Variants in LARGE1 observed in about 807,000 individuals in gnomAD.
LARGE1 encodes xylosyl- and glucuronyltransferase LARGE1.
LARGE1 carries 43 observed loss-of-function variants against 87.6 expected under a neutral mutation model. That is an observed-to-expected ratio of 0.49 (90% CI 0.38 to 0.63). The LOEUF (loss-of-function observed/expected upper bound fraction) is 0.63. LARGE1 is among the 30% of genes least tolerant of loss of function. LARGE1 has a pLI of 0.00. For synonymous variants in LARGE1, 434 were observed against 394.6 expected, an observed-to-expected ratio of 1.10 and a Z score of -1.18; for missense variants, 802 against 1,000.2, an observed-to-expected ratio of 0.80 and a Z score of 2.67.
chr22:33,722,864 T>C (rs1453205632), intron 2 of LARGE1, among the ~76,000 whole-genome samples: 1 of 151,994 alleles, frequency 6.6e-6, no homozygotes, highest in East Asian at 1.9e-4. Flanking sequence ...GCAGCATGGG[T>C]AGGCTGCTGA....
chr22:33,562,684 G>T (rs956229453), intron 6 of LARGE1, among the ~76,000 whole-genome samples: 1 of 152,266 alleles, frequency 6.6e-6, no homozygotes, highest in Non-Finnish European at 1.5e-5. Flanking sequence ...TGATATCAGC[G>T]TATTTAAAAT....
At chr22:33,890,220 C>T (rs769576051) in intron 1 of LARGE1, among the ~76,000 whole-genome samples, 10 of 152,212 alleles carry the variant, frequency 6.6e-5, no homozygotes, top group Non-Finnish European at 1.5e-5. Flanking sequence ...CCCTACCCAG[C>T]CCTGTAGCCC....
chr22:33,711,277 A>T (rs1322763004), intron 2 of LARGE1, among the ~76,000 whole-genome samples: 1 of 152,206 alleles, frequency 6.6e-6, no homozygotes, highest in Non-Finnish European at 1.5e-5. Flanking sequence ...GGGGGTCTGC[A>T]GCAGGATAGG....
chr22:33,843,728 C>T (rs2063348430), intron 1 of LARGE1, among the ~76,000 whole-genome samples: 1 of 152,008 alleles, frequency 6.6e-6, no homozygotes, highest in African/African-American at 2.4e-5. Context: ...AGTTTAAAGG[C>T]CACTGGTCCA....
At position 33,316,115 on chromosome 22, in the gene LARGE1, A is replaced by G. The variant is rs1356698761; in HGVS notation, c.1421T>C (p.Val474Ala). 3.7e-6 allele frequency: 6 copies of G among 1,614,040 alleles called. No individual in the cohort carries two copies. The highest frequency in any genetic ancestry group is 5.1e-6 in the Non-Finnish European group (6 of 1,179,958). Residue 474 changes from valine (V) to alanine (A), a missense_variant, in exon 11 of 15, where the codon GTC (valine) becomes GCC (alanine). By Grantham distance (64) the Val-to-Ala change is moderately conservative (BLOSUM62 0). This residue lies in a region of LARGE1 where 625 missense variants were observed against 841.9 expected (regional missense o/e 0.74). Coordinates refer to ENST00000397394, the MANE Select transcript of LARGE1 (RefSeq NM_133642.5). ...EYEPAADSTD[V>A]TLVAQLSMDR... ...CATGGACAGCTGAGCGACCAGGGTGACGTCCGTGCTGTCTGCTGCAGGCTC... is the reference window on the plus strand; with the variant it reads ...CATGGACAGCTGAGCGACCAGGGTGGCGTCCGTGCTGTCTGCTGCAGGCTC...
intron 2 of LARGE1, among the ~76,000 whole-genome samples, chr22:33,734,583 T>C (rs1051101019): frequency 6.6e-6 from 1 of 152,156 alleles, no homozygotes; most frequent in Non-Finnish European, 1.5e-5. Context: ...GGGAGGGCTT[T>C]TTGCTTTCTC....
intron 1 of LARGE1, among the ~76,000 whole-genome samples, chr22:33,846,677 CAT>C (rs1485047072): frequency 1.3e-5 from 2 of 152,198 alleles, no homozygotes; most frequent in African/African-American, 4.8e-5. Flanking sequence ...AAAGAGAATA[CAT>C]GCCTGGGGGT....
At chr22:33,753,685 C>A (rs571702538) in intron 2 of LARGE1, among the ~76,000 whole-genome samples, 40 of 152,222 alleles carry the variant, frequency 2.6e-4, no homozygotes, top group Admixed American at 5.2e-4. Flanking sequence ...GGAGATGCAG[C>A]CAATGGATGC....
chr22:33,115,815 C>CAAA, the LARGE1 span, among the ~76,000 whole-genome samples: 261 of 97,324 alleles, frequency 2.7e-3, 4 homozygotes, highest in African/African-American at 8.2e-3. Context: ...GACTCTGTCT[C>CAAA]AAAAAAAAAA....
chr22:33,918,156 A>T (rs2267321), intron 1 of LARGE1, among the ~76,000 whole-genome samples: 53,202 of 152,060 alleles, frequency 0.35, 9,603 homozygotes, highest in East Asian at 0.54. Context: ...GATGAAAAAA[A>T]CCTTTCATTT....
At chr22:33,499,930 T>C (rs1480174524) in intron 6 of LARGE1, among the ~76,000 whole-genome samples, 2 of 152,072 alleles carry the variant, frequency 1.3e-5, no homozygotes, top group African/African-American at 4.8e-5. Flanking sequence ...CGGGACACCA[T>C]GTTTGGCTAC....
chr22:33,456,403 C>G (rs2068132510), intron 6 of LARGE1, among the ~76,000 whole-genome samples: 2 of 152,140 alleles, frequency 1.3e-5, no homozygotes, highest in Admixed American at 1.3e-4. Context: ...TTCTTGGAGA[C>G]AGGCCAATTT....
At chr22:33,883,244 A>T (rs903540270) in intron 1 of LARGE1, among the ~76,000 whole-genome samples, 1 of 152,158 alleles carries the variant, frequency 6.6e-6, no homozygotes, top group African/African-American at 2.4e-5. Context: ...ATGCTTGGCT[A>T]CCACCTTGCA....
intron 6 of LARGE1, among the ~76,000 whole-genome samples, chr22:33,527,221 A>C (rs1175022072): frequency 6.6e-6 from 1 of 152,192 alleles, no homozygotes; most frequent in Non-Finnish European, 1.5e-5. Flanking sequence ...GCACCATTGC[A>C]CTCCGGCCTG....
At chr22:33,842,418 T>TTA (rs3091354) in intron 1 of LARGE1, among the ~76,000 whole-genome samples, 36,045 of 152,040 alleles carry the variant, frequency 0.24, 4,482 homozygotes, top group East Asian at 0.41. Context: ...CTTCGGATTT[T>TTA]TATATATTCA....
intron 2 of LARGE1, among the ~76,000 whole-genome samples, chr22:33,678,707 A>G (rs545361853): frequency 1.3e-5 from 2 of 152,222 alleles, no homozygotes; most frequent in East Asian, 3.9e-4. Flanking sequence ...ATCCGAGGAG[A>G]GTGTGGGTAA....
At chr22:33,464,938 T>TAC (rs2068543752) in intron 6 of LARGE1, among the ~76,000 whole-genome samples, 1 of 150,672 alleles carries the variant, frequency 6.6e-6, no homozygotes, top group South Asian at 2.1e-4. Context: ...CACGTACACA[T>TAC]ACACACACAC....
chr22:33,838,354 AT>A (rs1250406464), intron 1 of LARGE1, among the ~76,000 whole-genome samples: 1 of 152,224 alleles, frequency 6.6e-6, no homozygotes, highest in African/African-American at 2.4e-5. Flanking sequence ...GTTTTAAAAA[AT>A]TGGACAGGTG....
chr22:33,342,175 C>T (rs1163230156), intron 9 of LARGE1, among the ~76,000 whole-genome samples: 1 of 152,196 alleles, frequency 6.6e-6, no homozygotes, highest in Non-Finnish European at 1.5e-5. Flanking sequence ...GTCACTCACA[C>T]CCAGTGGGGG....
Sources: gnomAD v4.1 joint callset for allele counts (sites outside exome capture counted in the v4.1 genomes callset) on GRCh38, gnomAD v4.1.1 for gene constraint, gnomAD v4.1.1 regional missense constraint, MANE v1.5 for transcripts, NCBI Gene and HGNC (gene_info 2026-07-23, HGNC 2026-07-21) for gene names.